The following NSD2 variants were observed in gnomAD, a reference collection of about 807,000 sequenced individuals.
The protein encoded by NSD2 is nuclear receptor binding SET domain protein 2, also known as histone-lysine N-methyltransferase NSD2.
In NSD2, 12 loss-of-function variants were observed where a neutral mutation model predicts 139.0. The ratio of observed to expected loss-of-function variants is 0.09; its 90% CI spans 0.06 to 0.14. The LOEUF is 0.14. Among genes scored for constraint, NSD2 ranks in the 10% least tolerant of loss-of-function variants. The probability of loss-of-function intolerance (pLI) is 1.00; values close to 1 mark genes in which losing one functional copy is unlikely to be tolerated. For synonymous variants in NSD2, 669 were observed against 648.7 expected (o/e 1.03, Z -0.48); for missense variants, 1,155 against 1,745.0 (o/e 0.66, Z 6.02).
intron 1 of NSD2, among the ~76,000 whole-genome samples, chr4:1,896,933 G>C (rs1716424721): frequency 6.6e-6 from 1 of 151,860 alleles, no homozygotes; most frequent in Non-Finnish European, 1.5e-5. Flanking sequence ...CACTTTGAAA[G>C]GCCAAGGCGG....
At position 1,900,141 on chromosome 4, in the gene NSD2, G is replaced by A. The variant is rs557083880; in HGVS notation, c.-29-485G>A. ...TGAGCCTCTGCCTGATACCTCAGCT[G>A]TAACAGGAGGGATTGGGATGAGCTC... On this transcript the variant is annotated intron_variant, in intron 1 of 21. Transcript: ENST00000508803. 2.4e-4 allele frequency among the ~76,000 whole-genome samples: 36 copies of A among 152,336 alleles called. 1 individual carries two copies. The South Asian group carries it at 4.3e-3, about 18-fold the overall frequency.
chr4:1,959,860 T>C lies in NSD2; in HGVS notation c.3255+120T>C, dbSNP rs530532030. The C allele has an allele frequency of 3.1e-6, 4 of 1,306,264 alleles. No individual in the cohort carries two copies. The Admixed American group carries it at 8.1e-5, about 26-fold the overall frequency. 80.9% of individuals were successfully genotyped at this position (1,306,264 alleles called of 1,614,324 possible). On this transcript the variant is annotated intron_variant, in intron 17 of 21. Coordinates refer to ENST00000508803, the MANE Select transcript of NSD2 (RefSeq NM_001042424.3). ...AGAATGGTATTTTTTGGAAAAAAAA[T>C]TTTTTTTGTTTTTGTTTTGAGACAG...
At chr4:1,918,787 T>C in intron 5 of NSD2, 164 bp downstream of exon 5, 1 of 993,322 alleles carries the variant, frequency 1.0e-6, no homozygotes, top group Non-Finnish European at 1.4e-6. Flanking sequence ...ATTCTGACCC[T>C]TGAGGGAAAA....
At chr4:1,918,741 A>C (rs1719740128) in intron 5 of NSD2, 118 bp downstream of exon 5, 2 of 1,362,138 alleles carry the variant, frequency 1.5e-6, no homozygotes, top group East Asian at 4.8e-5. Flanking sequence ...CCTTGCATAG[A>C]TTTTAGATCT....
intron 5 of NSD2, among the ~76,000 whole-genome samples, chr4:1,920,433 C>A (rs1207984387): frequency 6.6e-6 from 1 of 152,070 alleles, no homozygotes; most frequent in Non-Finnish European, 1.5e-5. Flanking sequence ...ATCCTTAGGG[C>A]TTTTCTCAGG....
chr4:1,922,169 A>G (rs1410319815), intron 5 of NSD2, among the ~76,000 whole-genome samples: 1 of 152,234 alleles, frequency 6.6e-6, no homozygotes, highest in African/African-American at 2.4e-5. Flanking sequence ...AGCCAGTATT[A>G]TAAAGGAATA....
chr4:1,924,817 C>T (rs117181872), intron 5 of NSD2, among the ~76,000 whole-genome samples: 1 of 152,132 alleles, frequency 6.6e-6, no homozygotes, highest in East Asian at 1.9e-4. Flanking sequence ...GTCTTAGTTA[C>T]TCAGGAAGCT....
rs775533504 is a variant in NSD2 at position 1,978,857 on chromosome 4, A to T, written c.4046A>T (p.Lys1349Met). The change falls in exon 22 of 22, where the codon AAG becomes ATG. Residue 1349 changes from lysine (K) to methionine (M), a missense_variant. This residue lies in a region of NSD2 where 132 missense variants were observed against 94.3 expected (regional missense o/e 1.40). Transcript: ENST00000508803. ...EKPPPEPGKP[K>M]GKRRRRRGWR... Reference sequence around the variant, plus strand: ...CCCCCCCCAGAGCCAGGGAAGCCGAAGGGGAAGAGGCGGCGGCGGAGGGGC... The same window carrying T: ...CCCCCCCCAGAGCCAGGGAAGCCGATGGGGAAGAGGCGGCGGCGGAGGGGC... 47 of 1,599,630 alleles carry T rather than the reference A, an allele frequency of 2.9e-5. No individual in the cohort carries two copies. The highest frequency in any genetic ancestry group is 3.9e-5 in the Non-Finnish European group (46 of 1,170,466).
chr4:1,923,695 T>C (rs1015793002), intron 5 of NSD2, among the ~76,000 whole-genome samples: 2 of 152,200 alleles, frequency 1.3e-5, no homozygotes, highest in African/African-American at 4.8e-5. Flanking sequence ...TTTTTTTCTC[T>C]TACAGTTTTA....
rs1304109968 is a variant in NSD2, at chr4:1,948,288, T to G, written c.1882-2784T>G. 6.6e-6 allele frequency: 7 copies of G among 1,065,550 alleles called. No individual in the cohort carries two copies. The highest frequency in any genetic ancestry group is 8.0e-6 in the Non-Finnish European group (7 of 878,474). 66.0% of individuals were successfully genotyped at this position (1,065,550 alleles called of 1,614,324 possible). The stretch of plus-strand genomic sequence containing the variant: ...AGTCCCTGCACTTTTCCTTTCCAAA[T>G]GCATCTCGTTGGATATGGAATAGAT... On this transcript the variant is annotated intron_variant, in intron 9 of 21. Coordinates refer to ENST00000508803, the MANE Select transcript of NSD2 (RefSeq NM_001042424.3). The surrounding 1 kb of genome is among the most constrained non-coding windows in gnomAD (Gnocchi z 4.5).
chr4:1,880,640 C>G (rs1403075858), intron 1 of NSD2, among the ~76,000 whole-genome samples: 1 of 151,794 alleles, frequency 6.6e-6, no homozygotes, highest in Admixed American at 6.6e-5. Context: ...AACCTGAGTC[C>G]AGTCAAGCTC....
Position 1,981,179 on chromosome 4 carries a change from C to T in NSD2, c.*2270C>T. On this transcript the variant is annotated 3_prime_UTR_variant, in exon 22 of 22. Transcript: ENST00000508803. ...ATTTTTCTGAAGGAAATAATGCAAA[C>T]ATTTTAAATATGTTTCTCCCCCTTT... 1 of 233,142 alleles carries T rather than the reference C, an allele frequency of 4.3e-6. No homozygotes were observed. 14.4% of individuals were successfully genotyped at this position (233,142 alleles called of 1,614,324 possible). A position where few individuals can be genotyped will look rare whatever the true frequency, so the allele number is the denominator to read the frequency against.
chr4:1,948,291 A>AT lies in NSD2; in HGVS notation c.1882-2780dup. The AT allele has an allele frequency of 1.9e-6, 2 of 1,065,578 alleles. No homozygotes were observed. Among genetic ancestry groups the AT allele is most frequent in the Middle Eastern group, 8.4e-4 (2 of 2,388 alleles). The allele number at this position is 1,065,578 out of a possible 1,614,324, so 66.0% of individuals were successfully genotyped here. ...CCCTGCACTTTTCCTTTCCAAATGC[A>AT]TCTCGTTGGATATGGAATAGATCGT... is the stretch of plus-strand genomic sequence containing the variant. On this transcript the variant is annotated intron_variant, in intron 9 of 21. Transcript: ENST00000508803. The surrounding 1 kb of genome is among the most constrained non-coding windows in gnomAD (Gnocchi z 4.5).
chr4:1,895,726 A>G (rs1716191030), intron 1 of NSD2, among the ~76,000 whole-genome samples: 1 of 152,186 alleles, frequency 6.6e-6, no homozygotes, highest in African/African-American at 2.4e-5. Context: ...CCCCATGAGC[A>G]GTTCTCAGGT....
At position 1,979,039 on chromosome 4, in the gene NSD2, T is replaced by C; in HGVS notation, c.*130T>C. 8.1e-7 allele frequency: 1 copy of C among 1,235,642 alleles called. No individual in the cohort carries two copies. Among genetic ancestry groups the C allele is most frequent in the Non-Finnish European group, 1.1e-6 (1 of 931,480 alleles). The allele number at this position is 1,235,642 out of a possible 1,614,324, so 76.5% of individuals were successfully genotyped here. On this transcript the variant is annotated 3_prime_UTR_variant, in exon 22 of 22. Coordinates refer to ENST00000508803, the MANE Select transcript of NSD2 (RefSeq NM_001042424.3). ...CCAGGACACAGACGTACAGGCCTCC[T>C]CGGGAGGGAGCGCCTCCCCACCACT...
chr4:1,910,901 A>G (rs747479237), intron 3 of NSD2, among the ~76,000 whole-genome samples: 2 of 152,200 alleles, frequency 1.3e-5, no homozygotes, highest in African/African-American at 4.8e-5. Flanking sequence ...TTTGTTTCCC[A>G]GGGAGCTCTG....
intron 3 of NSD2, 119 bp from the exon 4 acceptor site, chr4:1,916,751 GT>G: frequency 1.1e-6 from 1 of 905,348 alleles, no homozygotes; most frequent in Non-Finnish European, 1.7e-6. Context: ...TATAGAATTT[GT>G]TTTGAGGTTA....
In NSD2 at chr4:1,942,312, T is replaced by G; in HGVS notation, c.1881+2534T>G. 1 of 1,610,920 alleles carries G rather than the reference T, an allele frequency of 6.2e-7. No homozygotes were observed. The highest frequency in any genetic ancestry group is 8.5e-7 in the Non-Finnish European group (1 of 1,179,198). ...TTATTCCTTTAGTAGAGCAAATTCT[T>G]ATTTTTTTCGCCTTCACTGGTAACA... On this transcript the variant is annotated intron_variant, in intron 9 of 21. Coordinates refer to ENST00000508803, the MANE Select transcript of NSD2 (RefSeq NM_001042424.3). This position sits in a 1 kb window ranked among gnomAD's most constrained non-coding sequence, Gnocchi z 4.0.
At chr4:1,878,894 G>A (rs1714497216) in intron 1 of NSD2, among the ~76,000 whole-genome samples, 1 of 152,164 alleles carries the variant, frequency 6.6e-6, no homozygotes, top group African/African-American at 2.4e-5. Flanking sequence ...GCCCGGACTG[G>A]GCCATAGCGT....
Sources: gnomAD v4.1 joint callset for allele counts (sites outside exome capture counted in the v4.1 genomes callset) on GRCh38, gnomAD v4.1.1 for gene constraint, gnomAD v4.1.1 regional missense constraint, Gnocchi (gnomAD v3.1) non-coding constraint, MANE v1.5 for transcripts, NCBI Gene and HGNC (gene_info 2026-07-23, HGNC 2026-07-21) for gene names.